TMPRSS11A: variants seen among roughly 807,000 people sequenced by gnomAD.
TMPRSS11A encodes transmembrane serine protease 11A.
In TMPRSS11A, 53 loss-of-function variants were observed where a neutral mutation model predicts 58.9. The observed-to-expected ratio is 0.90, with a 90% CI of 0.72 to 1.13. TMPRSS11A has a LOEUF of 1.13. TMPRSS11A is among the 50% of genes most tolerant of loss of function. The pLI, the probability that TMPRSS11A is intolerant of heterozygous loss-of-function variation, is 0.00. For synonymous variants in TMPRSS11A, 167 were observed against 169.8 expected (o/e 0.98, Z 0.13); for missense variants, 493 against 499.3 (o/e 0.99, Z 0.12).
chr4:67,918,679 C>G lies in TMPRSS11A; in HGVS notation c.952+294G>C, dbSNP rs542117804. ...TAGAGAAAAGAAGGGGCAAAAAATT[C>G]AAATTCAGAGACACAGAGCCAGATG... On this transcript the variant is annotated intron_variant, in intron 8 of 9. Transcript: ENST00000508048. Among the ~76,000 whole-genome samples the G allele has an allele frequency of 6.6e-5, 10 of 152,270 alleles. No individual in the cohort carries two copies. In the East Asian group the frequency reaches 1.9e-3, roughly 29 times the overall value.
intron 1 of TMPRSS11A, among the ~76,000 whole-genome samples, chr4:67,959,253 T>C (rs1721365994): frequency 6.6e-6 from 1 of 152,200 alleles, no homozygotes; most frequent in Admixed American, 6.5e-5. Context: ...TTTACTCAAA[T>C]TATAGAAAGC....
At chr4:67,929,312 C>CA (rs952139805) in intron 5 of TMPRSS11A, among the ~76,000 whole-genome samples, 15 of 148,916 alleles carry the variant, frequency 1.0e-4, no homozygotes, top group African/African-American at 2.2e-4. Context: ...TAAGGGTGAA[C>CA]AAAAAAAAAG....
chr4:67,920,342 T>C (rs1247477178), intron 7 of TMPRSS11A, among the ~76,000 whole-genome samples: 1 of 151,970 alleles, frequency 6.6e-6, no homozygotes, highest in Non-Finnish European at 1.5e-5. Flanking sequence ...ATTTACATTA[T>C]TTGTATTTTT....
chr4:67,936,912 AT>A (rs896386833), intron 3 of TMPRSS11A, among the ~76,000 whole-genome samples: 1 of 152,230 alleles, frequency 6.6e-6, no homozygotes, highest in Non-Finnish European at 1.5e-5. Flanking sequence ...ATTTGGATCT[AT>A]TTAAAGCTGT....
intron 4 of TMPRSS11A, among the ~76,000 whole-genome samples, chr4:67,931,219 A>G (rs186185765): frequency 2.6e-5 from 4 of 152,304 alleles, no homozygotes; most frequent in Admixed American, 2.6e-4. Context: ...ATCCTTACGG[A>G]AGTCACTAGT....
intron 1 of TMPRSS11A, among the ~76,000 whole-genome samples, chr4:67,949,018 T>C (rs917641622): frequency 6.6e-6 from 1 of 152,160 alleles, no homozygotes; most frequent in African/African-American, 2.4e-5. Context: ...CTCATACATA[T>C]TCAATTTGTT....
intron 3 of TMPRSS11A, among the ~76,000 whole-genome samples, chr4:67,943,116 AC>A (rs376228619): frequency 1.3e-5 from 2 of 152,270 alleles, no homozygotes; most frequent in East Asian, 3.9e-4. Context: ...CCTTGCAGGT[AC>A]CCATGATGAT....
At chr4:67,931,932 T>C in intron 4 of TMPRSS11A, 61 bp downstream of exon 4, 4 of 996,210 alleles carry the variant, frequency 4.0e-6, no homozygotes, top group Non-Finnish European at 6.4e-6. Flanking sequence ...TGAGAGTCCC[T>C]GTCTCCTTTG....
At chr4:67,943,674 GA>G (rs34646626) in intron 3 of TMPRSS11A, among the ~76,000 whole-genome samples, 38,632 of 151,888 alleles carry the variant, frequency 0.25, 5,082 homozygotes, top group East Asian at 0.45. Context: ...AAGAAATTGT[GA>G]ATGATTTAAT....
At chr4:67,961,703 G>A (rs1489580778) in intron 1 of TMPRSS11A, among the ~76,000 whole-genome samples, 1 of 151,462 alleles carries the variant, frequency 6.6e-6, no homozygotes, top group African/African-American at 2.4e-5. Flanking sequence ...AGTAGAGATG[G>A]GGTTTCACTA....
chr4:67,920,550 T>TATATATATATATATATATATATATATATA (rs374550125), intron 7 of TMPRSS11A, among the ~76,000 whole-genome samples: 5 of 58,550 alleles, frequency 8.5e-5, no homozygotes, highest in Admixed American at 1.5e-4. Flanking sequence ...TATATATATA[T>TATATATATATATATATATATATATATATA]TTTTTTTTAT....
At chr4:67,948,406 C>A (rs1257531111) in intron 1 of TMPRSS11A, among the ~76,000 whole-genome samples, 1 of 152,166 alleles carries the variant, frequency 6.6e-6, no homozygotes. Context: ...GATCCACCCA[C>A]CTCGGCCTCC....
At chr4:67,928,688 C>A (rs970434391) in intron 5 of TMPRSS11A, among the ~76,000 whole-genome samples, 26 of 152,318 alleles carry the variant, frequency 1.7e-4, no homozygotes, top group African/African-American at 6.3e-4. Flanking sequence ...CAGCTTTATT[C>A]CCTAAGTAGC....
chr4:67,935,598 T>C (rs148281868), intron 3 of TMPRSS11A, among the ~76,000 whole-genome samples: 5,108 of 152,262 alleles, frequency 0.034, 291 homozygotes, highest in African/African-American at 0.11. Context: ...TGCATAGAGA[T>C]GGCAATTTAT....
At chr4:67,918,812 G>T (rs1366386277) in intron 8 of TMPRSS11A, among the ~76,000 whole-genome samples, 161 bp downstream of exon 8, 1 of 152,094 alleles carries the variant, frequency 6.6e-6, no homozygotes, top group Non-Finnish European at 1.5e-5. Context: ...TTTTTATTCT[G>T]CACTGGTTAA....
intron 3 of TMPRSS11A, among the ~76,000 whole-genome samples, chr4:67,934,340 A>G (rs1039714119): frequency 1.3e-5 from 2 of 152,194 alleles, no homozygotes; most frequent in African/African-American, 2.4e-5. Flanking sequence ...TGTATAAACT[A>G]GCTTTCTAAA....
At chr4:67,920,557 T>TTA (rs1553922040) in intron 7 of TMPRSS11A, among the ~76,000 whole-genome samples, 195 of 137,078 alleles carry the variant, frequency 1.4e-3, no homozygotes, top group Middle Eastern at 3.9e-3. Context: ...ATATTTTTTT[T>TTA]TATATATACA....
At chr4:67,933,284 A>G (rs1423822151) in intron 3 of TMPRSS11A, among the ~76,000 whole-genome samples, 1 of 152,202 alleles carries the variant, frequency 6.6e-6, no homozygotes, top group African/African-American at 2.4e-5. Flanking sequence ...TTCCTGTTAG[A>G]AATCTGTGAC....
intron 1 of TMPRSS11A, among the ~76,000 whole-genome samples, chr4:67,953,581 G>C (rs1304591919): frequency 6.6e-6 from 1 of 152,150 alleles, no homozygotes; most frequent in East Asian, 1.9e-4. Flanking sequence ...GGCAGATCAT[G>C]TGAGGTTGGG....
Sources: allele counts gnomAD v4.1 joint callset (sites outside exome capture counted in the v4.1 genomes callset), GRCh38; gene constraint gnomAD v4.1.1; transcripts MANE v1.5; gene names NCBI Gene and HGNC (gene_info 2026-07-23, HGNC 2026-07-21).